PKHD1: variants seen among roughly 807,000 people sequenced by gnomAD.
PKHD1 encodes the protein PKHD1 ciliary IPT domain containing fibrocystin/polyductin, also known as fibrocystin.
PKHD1 carries 291 observed loss-of-function variants against 412.0 expected under a neutral mutation model. That is an observed-to-expected ratio of 0.71 (90% CI 0.64 to 0.78). The LOEUF (loss-of-function observed/expected upper bound fraction) is 0.78. PKHD1 is among the 30% of genes least tolerant of loss of function. The pLI, the probability that PKHD1 is intolerant of heterozygous loss-of-function variation, is 0.00. For synonymous variants in PKHD1, 1,777 were observed against 1,821.5 expected, an observed-to-expected ratio of 0.98 and a Z score of 0.62; for missense variants, 4,825 against 4,950.7, an observed-to-expected ratio of 0.97 and a Z score of 0.76.
intron 34 of PKHD1, among the ~76,000 whole-genome samples, chr6:52,014,192 C>T (rs1297865684): frequency 1.3e-5 from 2 of 152,212 alleles, no homozygotes; most frequent in Non-Finnish European, 2.9e-5. Context: ...TCATAAAACT[C>T]GACAGTTCTT....
At chr6:52,074,816 T>G (rs1038749643) in intron 6 of PKHD1, among the ~76,000 whole-genome samples, 2 of 152,202 alleles carry the variant, frequency 1.3e-5, no homozygotes, top group African/African-American at 4.8e-5. Flanking sequence ...AGTATTCATC[T>G]GGAAAGTGAT....
At chr6:52,024,496 T>C in intron 32 of PKHD1, 78 bp downstream of exon 32, 1 of 1,371,734 alleles carries the variant, frequency 7.3e-7, no homozygotes. Context: ...TTGTGTTAAT[T>C]TTCTACTTTC....
At chr6:51,675,957 T>G (rs564062843) in intron 60 of PKHD1, among the ~76,000 whole-genome samples, 28 of 152,164 alleles carry the variant, frequency 1.8e-4, no homozygotes, top group African/African-American at 5.8e-4. Context: ...TAAAATACCC[T>G]GGTCATTCAG....
intron 36 of PKHD1, among the ~76,000 whole-genome samples, chr6:51,952,173 ATAATG>A (rs1476965450): frequency 2.0e-5 from 3 of 152,162 alleles, no homozygotes; most frequent in African/African-American, 7.2e-5. Flanking sequence ...CTGGAGGTAA[ATAATG>A]TAAGTCATTG....
chr6:52,015,533 A>G (rs1800411184), intron 34 of PKHD1, among the ~76,000 whole-genome samples: 2 of 152,166 alleles, frequency 1.3e-5, no homozygotes, highest in South Asian at 4.1e-4. Context: ...AAGAAAACAT[A>G]CCCACTTTTG....
chr6:51,639,920 C>T (rs1362064516), intron 63 of PKHD1, among the ~76,000 whole-genome samples: 1 of 151,996 alleles, frequency 6.6e-6, no homozygotes, highest in Non-Finnish European at 1.5e-5. Context: ...TGTGAAAACA[C>T]TGTCTTTCTT....
At position 51,900,119 on chromosome 6, in the gene PKHD1, T is replaced by A. The variant is rs558906418; in HGVS notation, c.6996+3478A>T. Among the ~76,000 whole-genome samples the A allele has an allele frequency of 8.5e-5, 13 of 152,094 alleles. No individual in the cohort carries two copies. The South Asian group carries it at 2.7e-3, about 32-fold the overall frequency. On this transcript the variant is annotated intron_variant, in intron 43 of 66. Coordinates refer to ENST00000371117, the MANE Select transcript of PKHD1 (RefSeq NM_138694.4). The stretch of plus-strand genomic sequence containing the variant: ...AAGGTAATTTACAGATTCAGTGCCA[T>A]CCCCATCAAGCTACCAAGGACTTTC...
chr6:51,721,297 C>G lies in PKHD1; in HGVS notation c.10156+23088G>C, dbSNP rs553784301. On this transcript the variant is annotated intron_variant, in intron 60 of 66. Transcript: ENST00000371117. ...AACTTACATTTATGTTCTTTCTTTACCAATATTATTAACAATAACCCACTA... is the reference window on the plus strand; with the variant it reads ...AACTTACATTTATGTTCTTTCTTTAGCAATATTATTAACAATAACCCACTA... 93 of 876,868 alleles carry G rather than the reference C, an allele frequency of 1.1e-4. No individual in the cohort carries two copies. The African/African-American group carries it at 1.6e-3, about 15-fold the overall frequency. 54.3% of individuals were successfully genotyped at this position (876,868 alleles called of 1,614,324 possible).
At chr6:51,897,412 G>A (rs368898922) in intron 43 of PKHD1, among the ~76,000 whole-genome samples, 1 of 152,058 alleles carries the variant, frequency 6.6e-6, no homozygotes, top group Non-Finnish European at 1.5e-5. Context: ...CCAGCCAAAC[G>A]AAGCCTCATA....
chr6:51,730,213 G>C (rs911687497), intron 60 of PKHD1, among the ~76,000 whole-genome samples: 13 of 152,028 alleles, frequency 8.6e-5, no homozygotes, highest in African/African-American at 3.1e-4. Flanking sequence ...TCTTTAAGAA[G>C]TTTTAATTCT....
chr6:51,757,144 C>G (rs951687776), intron 55 of PKHD1, among the ~76,000 whole-genome samples: 2 of 152,022 alleles, frequency 1.3e-5, no homozygotes, highest in Non-Finnish European at 2.9e-5. Flanking sequence ...GGTCTGTGGC[C>G]CTGGGGGTTG....
At position 51,659,664 on chromosome 6, in the gene PKHD1, T is replaced by C. The variant is rs1772501912; in HGVS notation, c.10462A>G (p.Asn3488Asp). The C allele has an allele frequency of 6.2e-7, 1 of 1,613,722 alleles. No individual in the cohort carries two copies. The highest frequency in any genetic ancestry group is 8.5e-7 in the Non-Finnish European group (1 of 1,179,832). The change falls in exon 61 of 67, where the codon AAC (asparagine) becomes GAC (aspartate). Residue 3488 changes from asparagine to aspartate, a missense_variant. By Grantham distance (23) the Asn-to-Asp change is conservative. Transcript: ENST00000371117. ...PQVLRFFLLG[N>D]KSTSKLLLAV... ...AAGAGAAGCTTGGAGGTACTTTTGT[T>C]CCCCAATAGAAAAAAGCGCAAAACT...
At chr6:51,918,874 T>C (rs773001724) in intron 37 of PKHD1, among the ~76,000 whole-genome samples, 1 of 152,206 alleles carries the variant, frequency 6.6e-6, no homozygotes, top group East Asian at 1.9e-4. Context: ...TGAGATGGTA[T>C]ATTGACCAGT....
intron 22 of PKHD1, 122 bp from the exon 23 acceptor site, chr6:52,048,741 G>T: frequency 1.7e-6 from 2 of 1,146,146 alleles, no homozygotes; most frequent in Non-Finnish European, 1.3e-6. Context: ...TAAGGGACCT[G>T]AGGAAACTCA....
intron 47 of PKHD1, among the ~76,000 whole-genome samples, chr6:51,869,144 G>C (rs1399678202): frequency 6.6e-6 from 1 of 152,092 alleles, no homozygotes. Context: ...TGCAACTTCT[G>C]TATTTCATTT....
intron 53 of PKHD1, among the ~76,000 whole-genome samples, chr6:51,776,558 G>T (rs1791059840): frequency 6.6e-6 from 1 of 151,866 alleles, no homozygotes; most frequent in Admixed American, 6.6e-5. Flanking sequence ...CTCTTTATAT[G>T]CATTTTAGCA....
intron 52 of PKHD1, among the ~76,000 whole-genome samples, chr6:51,829,814 G>A (rs1401943400): frequency 1.3e-5 from 2 of 152,154 alleles, no homozygotes; most frequent in Admixed American, 6.6e-5. Flanking sequence ...ATTTTAGAAA[G>A]GGAATGTGCG....
chr6:51,928,994 G>A (rs1786148459), intron 37 of PKHD1, among the ~76,000 whole-genome samples: 1 of 152,178 alleles, frequency 6.6e-6, no homozygotes, highest in Non-Finnish European at 1.5e-5. Context: ...AAAATGCCAT[G>A]TCATAGCTCT....
intron 66 of PKHD1, among the ~76,000 whole-genome samples, chr6:51,625,740 A>C (rs939734332): frequency 1.3e-5 from 2 of 152,208 alleles, no homozygotes; most frequent in Non-Finnish European, 2.9e-5. Context: ...GAGAGAGATT[A>C]GTACTGCTCC....
Sources: allele counts gnomAD v4.1 joint callset (sites outside exome capture counted in the v4.1 genomes callset), GRCh38; gene constraint gnomAD v4.1.1; transcripts MANE v1.5; gene names NCBI Gene and HGNC (gene_info 2026-07-23, HGNC 2026-07-21).